Variants in SAV1 observed in about 807,000 individuals in gnomAD.
SAV1 encodes protein salvador homolog 1.
SAV1 carries 23 observed loss-of-function variants against 47.3 expected under a neutral mutation model. The observed-to-expected ratio is 0.49, with a 90% CI of 0.35 to 0.69. SAV1 has a LOEUF of 0.69. Among genes scored for constraint, SAV1 ranks in the 30% least tolerant of loss-of-function variants. The pLI, the probability that SAV1 is intolerant of heterozygous loss-of-function variation, is 0.01. For missense variants in SAV1, 448 were observed against 457.4 expected (o/e 0.98, Z 0.19); for synonymous variants, 155 against 159.2 (o/e 0.97, Z 0.20).
intron 2 of SAV1, among the ~76,000 whole-genome samples, chr14:50,648,555 A>C (rs940385195): frequency 6.6e-6 from 1 of 151,984 alleles, no homozygotes; most frequent in African/African-American, 2.4e-5. Flanking sequence ...CGAGGCGGGC[A>C]GATCATGAGG....
chr14:50,655,358 C>T (rs2039803590), intron 2 of SAV1, among the ~76,000 whole-genome samples: 1 of 151,600 alleles, frequency 6.6e-6, no homozygotes, highest in African/African-American at 2.4e-5. Flanking sequence ...TTTTGGCTAA[C>T]AGAGCTTCCC....
At chr14:50,646,477 G>A (rs1052759111) in intron 2 of SAV1, among the ~76,000 whole-genome samples, 5 of 152,126 alleles carry the variant, frequency 3.3e-5, no homozygotes, top group East Asian at 3.9e-4. Flanking sequence ...CCTGAGGTCC[G>A]GAGTTTGAGA....
chr14:50,663,232 G>C (rs534171814), intron 2 of SAV1: 1 of 152,156 alleles, frequency 6.6e-6, no homozygotes, highest in Non-Finnish European at 1.5e-5. Context: ...CATGGAAAAA[G>C]ATGAAGAAAA....
In SAV1 at chr14:50,640,307, T is replaced by C. The variant is rs79177598; in HGVS notation, c.950+443A>G. Among the ~76,000 whole-genome samples, 4 of 152,260 alleles carry C rather than the reference T, an allele frequency of 2.6e-5. No individual in the cohort carries two copies. In the East Asian group the frequency reaches 5.8e-4, roughly 22 times the overall value. ...AATTTTTAAAATTTTTCTGTGGAAATGGGGCTCTCGTTATGTTGCCTAGAC... is the reference window on the plus strand; with the variant it reads ...AATTTTTAAAATTTTTCTGTGGAAACGGGGCTCTCGTTATGTTGCCTAGAC... On this transcript the variant is annotated intron_variant, in intron 4 of 4. Coordinates refer to ENST00000324679, the MANE Select transcript of SAV1 (RefSeq NM_021818.4).
intron 2 of SAV1, among the ~76,000 whole-genome samples, chr14:50,648,382 C>T (rs574985650): frequency 5.9e-5 from 9 of 152,254 alleles, no homozygotes; most frequent in African/African-American, 2.2e-4. Context: ...TACATGAAAT[C>T]TATACATATG....
Position 50,668,017 on chromosome 14 carries a change from G to T in SAV1, c.-50C>A. 1 of 1,387,020 alleles carries T rather than the reference G, an allele frequency of 7.2e-7. No homozygotes were observed. Among genetic ancestry groups the T allele is most frequent in the East Asian group, 2.8e-5 (1 of 35,930 alleles). The allele number at this position is 1,387,020 out of a possible 1,614,324, so 85.9% of individuals were successfully genotyped here. A position where few individuals can be genotyped will look rare whatever the true frequency, so the allele number is the denominator to read the frequency against. On this transcript the variant is annotated 5_prime_UTR_variant, in exon 1 of 5. Transcript: ENST00000324679. The stretch of plus-strand genomic sequence containing the variant: ...CGCTGAACTGCCTCCCTAGGGCTCC[G>T]CGCCGGGCGCCGGCCGTCTCCGCCG...
chr14:50,642,202 C>A (rs762027748), intron 3 of SAV1, among the ~76,000 whole-genome samples: 1 of 152,104 alleles, frequency 6.6e-6, no homozygotes, highest in Non-Finnish European at 1.5e-5. Flanking sequence ...GGCCTACTTG[C>A]GGGCAGAGGA....
At position 50,639,327 on chromosome 14, in the gene SAV1, A is replaced by AT. The variant is rs961120485; in HGVS notation, c.950+1422dup. 1.7e-4 allele frequency among the ~76,000 whole-genome samples: 25 copies of AT among 150,078 alleles called. No homozygotes were observed. In the Middle Eastern group the frequency reaches 0.01, roughly 62 times the overall value. ...AAAAACAAAAGGAAGAAACATGCAA[A>AT]TTTTTTTTGCAAAAATGTCTCTTTT... On this transcript the variant is annotated intron_variant, in intron 4 of 4. Coordinates refer to ENST00000324679, the MANE Select transcript of SAV1 (RefSeq NM_021818.4).
chr14:50,663,510 T>A (rs1400368597), intron 2 of SAV1, among the ~76,000 whole-genome samples: 1 of 152,262 alleles, frequency 6.6e-6, no homozygotes, highest in Non-Finnish European at 1.5e-5. Context: ...TGCCTCTTAC[T>A]GCATTTCCAC....
At chr14:50,667,776 G>T (rs1166933633) in intron 1 of SAV1, 98 bp downstream of exon 1, 3 of 852,012 alleles carry the variant, frequency 3.5e-6, no homozygotes, top group African/African-American at 1.7e-5. Flanking sequence ...GACCAAGGAC[G>T]AAGGAGAAGC....
At chr14:50,658,377 T>C (rs1014516193) in intron 2 of SAV1, among the ~76,000 whole-genome samples, 5 of 152,218 alleles carry the variant, frequency 3.3e-5, no homozygotes, top group African/African-American at 1.2e-4. Flanking sequence ...AAAGACTTCC[T>C]GTTAACAGCA....
chr14:50,667,315 C>A, intron 1 of SAV1: 1 of 391,374 alleles, frequency 2.6e-6, no homozygotes, highest in Non-Finnish European at 5.1e-6. Context: ...TTTTGGCTCT[C>A]TGCTCTGCTG....
At chr14:50,651,755 T>C (rs1417767023) in intron 2 of SAV1, among the ~76,000 whole-genome samples, 1 of 152,092 alleles carries the variant, frequency 6.6e-6, no homozygotes, top group Non-Finnish European at 1.5e-5. Context: ...GCCTCCCAAG[T>C]AGGTGTGACT....
chr14:50,663,395 T>G (rs1350416668), intron 2 of SAV1, among the ~76,000 whole-genome samples: 2 of 152,214 alleles, frequency 1.3e-5, no homozygotes, highest in African/African-American at 2.4e-5. Flanking sequence ...AACAAATTAT[T>G]CCTGAGGTTC....
rs754721988 is a variant in SAV1 at position 50,635,315 on chromosome 14, C to G, written c.1020G>C (p.Lys340Asn). ...ADLDTYQGMLKLLFMKELEQI... is the reference protein window; with the variant it reads ...ADLDTYQGMLNLLFMKELEQI... Reference sequence around the variant, plus strand: ...GCTCCAATTCTTTCATGAAGAGCAACTTTAGCATTCCCTGGTATGTATCCA... The same window carrying G: ...GCTCCAATTCTTTCATGAAGAGCAAGTTTAGCATTCCCTGGTATGTATCCA... The change falls in exon 5 of 5, where the codon AAG becomes AAC. Residue 340 changes from lysine (K) to asparagine (N), a missense_variant. Transcript: ENST00000324679. 2 of 1,614,130 alleles carry G rather than the reference C, an allele frequency of 1.2e-6. No homozygotes were observed. Among genetic ancestry groups the G allele is most frequent in the Admixed American group, 3.3e-5 (2 of 60,020 alleles).
chr14:50,668,282 G>T lies in SAV1; in HGVS notation c.-315C>A. ...CAGGGCCAGGGCCATGGTCCGCCGC[G>T]GGCCGCCGAATAACCGCTACCACTA... On this transcript the variant is annotated 5_prime_UTR_variant, in exon 1 of 5. Coordinates refer to ENST00000324679, the MANE Select transcript of SAV1 (RefSeq NM_021818.4). 5.7e-6 allele frequency: 1 copy of T among 176,480 alleles called. No individual in the cohort carries two copies. The highest frequency in any genetic ancestry group is 1.2e-5 in the Non-Finnish European group (1 of 84,420). 10.9% of individuals were successfully genotyped at this position (176,480 alleles called of 1,614,324 possible).
chr14:50,658,317 A>C (rs1434825403), intron 2 of SAV1, among the ~76,000 whole-genome samples: 1 of 152,202 alleles, frequency 6.6e-6, no homozygotes, highest in Non-Finnish European at 1.5e-5. Context: ...GACAGAACTA[A>C]AATTTAAGCG....
At chr14:50,659,912 T>C (rs1014523173) in intron 2 of SAV1, among the ~76,000 whole-genome samples, 7 of 152,128 alleles carry the variant, frequency 4.6e-5, no homozygotes, top group Non-Finnish European at 7.4e-5. Context: ...CTTGATAGTT[T>C]CCAGAATTTG....
intron 2 of SAV1, among the ~76,000 whole-genome samples, chr14:50,657,310 T>C (rs1167499091): frequency 1.3e-5 from 2 of 152,142 alleles, no homozygotes; most frequent in African/African-American, 4.8e-5. Flanking sequence ...TGGGAAATAC[T>C]CACTCTTACA....
Sources: allele counts gnomAD v4.1 joint callset (sites outside exome capture counted in the v4.1 genomes callset), GRCh38; gene constraint gnomAD v4.1.1; transcripts MANE v1.5; gene names NCBI Gene and HGNC (gene_info 2026-07-23, HGNC 2026-07-21).